The following NEGR1 variants were observed in gnomAD, a reference collection of about 807,000 sequenced individuals.
The protein encoded by NEGR1 is neuronal growth regulator 1, also known as IgLON family member 4.
In NEGR1, 10 loss-of-function variants were observed where a neutral mutation model predicts 40.9. The observed-to-expected ratio is 0.24, with a 90% CI of 0.15 to 0.42. NEGR1 has a LOEUF of 0.42. Ranked by LOEUF, NEGR1 falls within the 10% of genes least tolerant of loss-of-function variation. The probability of loss-of-function intolerance (pLI) is 1.00; values close to 1 mark genes in which losing one functional copy is unlikely to be tolerated. For missense variants in NEGR1, 352 were observed against 438.9 expected, an observed-to-expected ratio of 0.80 and a Z score of 1.77; for synonymous variants, 185 against 166.8, an observed-to-expected ratio of 1.11 and a Z score of -0.84.
chr1:71,964,710 T>A (rs959484935), intron 1 of NEGR1, among the ~76,000 whole-genome samples: 4 of 152,164 alleles, frequency 2.6e-5, no homozygotes, highest in Non-Finnish European at 4.4e-5. Context: ...ATGTTTGCAG[T>A]ATTTTGTTAT....
At chr1:71,910,497 T>C (rs1436496388) in intron 2 of NEGR1, among the ~76,000 whole-genome samples, 1 of 152,198 alleles carries the variant, frequency 6.6e-6, no homozygotes. Context: ...ATAATGCTGA[T>C]GCTGCTAGAG....
chr1:71,674,585 G>GGC (rs1652549414), intron 4 of NEGR1, among the ~76,000 whole-genome samples: 1 of 66,266 alleles, frequency 1.5e-5, no homozygotes, highest in South Asian at 7.2e-4. Flanking sequence ...TTGCTGGGAG[G>GGC]GCACACACAC....
At chr1:71,446,078 A>T (rs1242204296) in intron 6 of NEGR1, among the ~76,000 whole-genome samples, 1 of 152,224 alleles carries the variant, frequency 6.6e-6, no homozygotes, top group Admixed American at 6.5e-5. Context: ...AGAATATAAA[A>T]TTTAAATCAC....
chr1:71,740,049 C>A (rs1267395562), intron 3 of NEGR1, among the ~76,000 whole-genome samples: 3 of 152,142 alleles, frequency 2.0e-5, no homozygotes, highest in Admixed American at 6.6e-5. Context: ...ATGATACCAA[C>A]TTAAATGTGT....
intron 2 of NEGR1, among the ~76,000 whole-genome samples, chr1:71,782,054 T>A (rs543483492): frequency 2.6e-5 from 4 of 152,136 alleles, no homozygotes; most frequent in African/African-American, 9.6e-5. Flanking sequence ...GCAGAATAGG[T>A]TTTTCTGGGT....
intron 4 of NEGR1, among the ~76,000 whole-genome samples, chr1:71,658,793 G>A (rs1651958829): frequency 6.6e-6 from 1 of 152,068 alleles, no homozygotes; most frequent in Non-Finnish European, 1.5e-5. Context: ...GTCCTTCTTA[G>A]AATTTTTAGA....
chr1:71,499,868 ATGT>A (rs1376643072), intron 6 of NEGR1, among the ~76,000 whole-genome samples: 1 of 152,058 alleles, frequency 6.6e-6, no homozygotes, highest in Non-Finnish European at 1.5e-5. Flanking sequence ...ACCATAATAA[ATGT>A]AATCAATGTA....
chr1:71,444,271 G>A (rs1165173642), intron 6 of NEGR1, among the ~76,000 whole-genome samples: 1 of 152,098 alleles, frequency 6.6e-6, no homozygotes, highest in East Asian at 1.9e-4. Flanking sequence ...TATTTTAAAA[G>A]GTTCTGCTCT....
chr1:72,041,493 G>C (rs1029070675), intron 1 of NEGR1, among the ~76,000 whole-genome samples: 1 of 133,906 alleles, frequency 7.5e-6, no homozygotes, highest in African/African-American at 2.9e-5. Context: ...TTTCTGTCTT[G>C]AATTGTTTGT....
At chr1:71,895,319 A>C (rs576945804) in intron 2 of NEGR1, among the ~76,000 whole-genome samples, 5 of 152,200 alleles carry the variant, frequency 3.3e-5, no homozygotes, top group African/African-American at 1.2e-4. Context: ...ATTTTTATTG[A>C]GATATTATAC....
chr1:71,689,422 C>T (rs1385245509), intron 4 of NEGR1, among the ~76,000 whole-genome samples: 2 of 151,946 alleles, frequency 1.3e-5, no homozygotes, highest in Non-Finnish European at 2.9e-5. Flanking sequence ...AGTCTTTTGC[C>T]CAAAGTTGTA....
intron 6 of NEGR1, among the ~76,000 whole-genome samples, chr1:71,526,147 CTAAT>C (rs1290002519): frequency 9.9e-5 from 15 of 151,498 alleles, no homozygotes; most frequent in Admixed American, 3.3e-4. Context: ...AATTAATCAA[CTAAT>C]TATGGATAAT....
At chr1:71,917,388 A>C (rs1661613373) in intron 2 of NEGR1, among the ~76,000 whole-genome samples, 1 of 152,234 alleles carries the variant, frequency 6.6e-6, no homozygotes. Flanking sequence ...TTAAGGCTTC[A>C]GTATGTTACA....
Position 71,869,031 on chromosome 1 carries a change from T to A in NEGR1, c.409+66048A>T, listed in dbSNP as rs561250437. On this transcript the variant is annotated intron_variant, in intron 2 of 6. Coordinates refer to ENST00000357731, the MANE Select transcript of NEGR1 (RefSeq NM_173808.3). ...AGTTAGGAACACCTCCTGAGTGATC[T>A]CAAACATGCTCTGTGTTTCCTACAC... 7.2e-5 allele frequency among the ~76,000 whole-genome samples: 11 copies of A among 152,310 alleles called. No homozygotes were observed. In the South Asian group the frequency reaches 2.3e-3, roughly 32 times the overall value.
chr1:72,004,759 C>T (rs1299746030), intron 1 of NEGR1, among the ~76,000 whole-genome samples: 1 of 151,968 alleles, frequency 6.6e-6, no homozygotes, highest in African/African-American at 2.4e-5. Context: ...AATCACAAAA[C>T]AATGCTTTGA....
intron 4 of NEGR1, among the ~76,000 whole-genome samples, chr1:71,632,882 G>C (rs115845578): frequency 0.012 from 1,881 of 151,980 alleles, 35 homozygotes; most frequent in African/African-American, 0.043. Context: ...TCTTTCATAG[G>C]CTGTGTTTAC....
intron 1 of NEGR1, among the ~76,000 whole-genome samples, chr1:72,005,448 C>T (rs560077317): frequency 2.0e-5 from 3 of 152,168 alleles, no homozygotes; most frequent in African/African-American, 7.2e-5. Context: ...TATTCTTTCT[C>T]TTGACAAATT....
chr1:71,657,555 A>G (rs1360519968), intron 4 of NEGR1, among the ~76,000 whole-genome samples: 1 of 152,244 alleles, frequency 6.6e-6, no homozygotes, highest in Non-Finnish European at 1.5e-5. Context: ...TTAGAAACAA[A>G]AAAATCATTC....
At chr1:71,988,923 T>TAAAAAAAAAAAAAAAACAAAAAA (rs1646426636) in intron 1 of NEGR1, among the ~76,000 whole-genome samples, 1 of 82,258 alleles carries the variant, frequency 1.2e-5, no homozygotes, top group African/African-American at 5.7e-5. Context: ...TATTGGATGT[T>TAAAAAAAAAAAAAAAACAAAAAA]AAAAAAAAAA....
Sources: allele counts gnomAD v4.1 joint callset (sites outside exome capture counted in the v4.1 genomes callset), GRCh38; gene constraint gnomAD v4.1.1; transcripts MANE v1.5; gene names NCBI Gene and HGNC (gene_info 2026-07-23, HGNC 2026-07-21).